Variants in PLXNA1 observed in about 807,000 individuals in gnomAD.
PLXNA1 encodes plexin-A1.
PLXNA1 carries 77 observed loss-of-function variants against 191.7 expected under a neutral mutation model. The ratio of observed to expected loss-of-function variants is 0.40; its 90% CI spans 0.33 to 0.49. The LOEUF (loss-of-function observed/expected upper bound fraction) is 0.49, where lower values mean the gene tolerates loss of function less well. Ranked by LOEUF, PLXNA1 falls within the 20% of genes least tolerant of loss-of-function variation. The pLI is 0.63. For missense variants in PLXNA1, 2,110 were observed against 2,660.2 expected (o/e 0.79, Z 4.55); for synonymous variants, 1,137 against 1,156.4 (o/e 0.98, Z 0.34).
chr3:127,023,766 G>A lies in PLXNA1; in HGVS notation c.4362+948G>A, dbSNP rs73196569. ...CATCCTCGCTGCCGGGAGAGACACT[G>A]GACGGGAAATACAGCAGACAGGCAA... On this transcript the variant is annotated intron_variant, in intron 23 of 31. Coordinates refer to ENST00000393409, the MANE Select transcript of PLXNA1 (RefSeq NM_032242.4). 7.0e-3 allele frequency among the ~76,000 whole-genome samples: 1,072 copies of A among 152,322 alleles called. 9 individuals are homozygous for A. The highest frequency in any genetic ancestry group is 0.012 in the Non-Finnish European group (784 of 68,032).
rs1559964213 is a variant in PLXNA1 at position 127,022,189 on chromosome 3, C to T, written c.4143C>T (p.Phe1381=). Residue 1381 remains phenylalanine (F), a synonymous_variant, in exon 22 of 32, where the codon TTC becomes TTT. Coordinates refer to ENST00000393409, the MANE Select transcript of PLXNA1 (RefSeq NM_032242.4). ...FIRTLEAQRS[F]SMRDRGNVAS... ...GCACGCTGGAGGCACAGCGCAGCTT[C>T]TCCATGCGCGACCGCGGGAATGTGG... 1 of 1,613,454 alleles carries T rather than the reference C, an allele frequency of 6.2e-7. No homozygotes were observed. Among genetic ancestry groups the T allele is most frequent in the Non-Finnish European group, 8.5e-7 (1 of 1,180,000 alleles).
At position 127,032,760 on chromosome 3, in the gene PLXNA1, G is replaced by A. The variant is rs777392995; in HGVS notation, c.5519G>A (p.Arg1840His). ...DMSAYLAEQS[R>H]LHLSQFNSMS... ...AGTGCGTATCTGGCTGAGCAGTCCC[G>A]CCTGCACCTGAGCCAGTTCAACAGC... Residue 1840 changes from arginine (R) to histidine (H), a missense_variant, in exon 31 of 32, where the codon CGC becomes CAC. Physicochemically the swap from Arg to His is conservative, Grantham distance 29. Coordinates refer to ENST00000393409, the MANE Select transcript of PLXNA1 (RefSeq NM_032242.4). 12 of 1,613,316 alleles carry A rather than the reference G, an allele frequency of 7.4e-6. No homozygotes were observed. The highest frequency in any genetic ancestry group is 5.0e-5 in the Admixed American group (3 of 60,012).
chr3:127,031,266 G>C (rs1023091017), intron 29 of PLXNA1, among the ~76,000 whole-genome samples: 7 of 152,160 alleles, frequency 4.6e-5, no homozygotes, highest in Admixed American at 4.6e-4. Flanking sequence ...CCCCTGGAGC[G>C]GGTCCCTGCT....
Position 127,033,925 on chromosome 3 carries a change from C to G in PLXNA1, c.5599C>G (p.Leu1867Val). ...GACAGTTCTCCTGGCCCTGCAGATC[C>G]TGGCAGCCCTGGAGAAGGATGAGCA... ...SYITKYKDEI[L>V]AALEKDEQAR... Residue 1867 changes from leucine (L) to valine (V), a missense_variant, in exon 32 of 32, where the codon CTG becomes GTG. Around this residue, in one of 4 missense-constraint regions of PLXNA1, gnomAD observed 559 missense variants for 911.5 expected, o/e 0.61. Coordinates refer to ENST00000393409, the MANE Select transcript of PLXNA1 (RefSeq NM_032242.4). The G allele has an allele frequency of 6.3e-7, 1 of 1,598,186 alleles. No individual in the cohort carries two copies. The highest frequency in any genetic ancestry group is 8.5e-7 in the Non-Finnish European group (1 of 1,173,894).
chr3:127,014,612 G>T lies in PLXNA1; in HGVS notation c.2739G>T (p.Glu913Asp). ...TGCTGTGCAGCCCTGTGGAGAGCGA[G>T]TACATCAGTGCGGAGCAGTGAGTGC... ...GKVLCSPVES[E>D]YISAEQIVCE... The change falls in exon 13 of 32, where the codon GAG becomes GAT. Residue 913 changes from glutamate (E) to aspartate (D), a missense_variant. By Grantham distance (45) the Glu-to-Asp change is conservative. Around this residue, in one of 4 missense-constraint regions of PLXNA1, gnomAD observed 644 missense variants for 714.3 expected, o/e 0.90. Coordinates refer to ENST00000393409, the MANE Select transcript of PLXNA1 (RefSeq NM_032242.4). 1 of 1,613,218 alleles carries T rather than the reference G, an allele frequency of 6.2e-7. No homozygotes were observed.
chr3:127,017,241 C>T (rs558356518), intron 17 of PLXNA1, among the ~76,000 whole-genome samples, 184 bp from the exon 18 acceptor site: 10 of 152,334 alleles, frequency 6.6e-5, no homozygotes, highest in Non-Finnish European at 1.2e-4. Context: ...GCTGGCTGCA[C>T]ACACCTCTCC....
chr3:127,030,519 C>T (rs1354827835), intron 29 of PLXNA1, 107 bp downstream of exon 29: 9 of 1,362,014 alleles, frequency 6.6e-6, no homozygotes, highest in African/African-American at 2.9e-5. Context: ...GGCTCCCTGG[C>T]GTGGGGACAC....
At chr3:127,030,693 G>A (rs76060061) in intron 29 of PLXNA1, among the ~76,000 whole-genome samples, 3,111 of 152,342 alleles carry the variant, frequency 0.02, 39 homozygotes, top group East Asian at 0.072. Flanking sequence ...ACAGCTGTGC[G>A]GACATGAGTG....
intron 16 of PLXNA1, 114 bp from the exon 17 acceptor site, chr3:127,016,830 C>G (rs963708496): frequency 7.2e-7 from 1 of 1,379,846 alleles, no homozygotes; most frequent in African/African-American, 1.4e-5. Flanking sequence ...GAGCTTTTAC[C>G]TGTTTCCTGT....
intron 3 of PLXNA1, among the ~76,000 whole-genome samples, chr3:126,999,622 G>A (rs908130609): frequency 3.9e-5 from 6 of 152,208 alleles, no homozygotes; most frequent in Non-Finnish European, 7.3e-5. Context: ...GGCTCTGGGC[G>A]GGATGGACAG....
At position 127,028,216 on chromosome 3, in the gene PLXNA1, A is replaced by C. The variant is rs749307246; in HGVS notation, c.4545A>C (p.Ala1515=). The change falls in exon 25 of 32, where the codon GCA becomes GCC. Residue 1515 remains alanine (A), a synonymous_variant. Transcript: ENST00000393409. ...GTGTGAACCCTGAGAATGAGAATGC[A>C]CCTGAGGTGCCGGTGAAGGGGCTGG... The part of the protein sequence containing the change: ...LNCVNPENEN[A]PEVPVKGLDC... The C allele has an allele frequency of 1.9e-6, 3 of 1,613,026 alleles. No homozygotes were observed. Among genetic ancestry groups the C allele is most frequent in the Non-Finnish European group, 2.5e-6 (3 of 1,179,994 alleles).
At position 126,986,533 on chromosome 3, in the gene PLXNA1, C is replaced by T. The variant is rs376547072; in HGVS notation, c.-73-1988C>T. On this transcript the variant is annotated intron_variant, in intron 1 of 31. Coordinates refer to ENST00000393409, the MANE Select transcript of PLXNA1 (RefSeq NM_032242.4). ...AGCATGGGGGGCTGCCGCACCCAGA[C>T]CTGGCTGGCCCTCCGCATACCCTTC... Among the ~76,000 whole-genome samples the T allele has an allele frequency of 4.1e-3, 632 of 152,294 alleles. 3 individuals are homozygous for T. Among genetic ancestry groups the T allele is most frequent in the Middle Eastern group, 6.8e-3 (2 of 294 alleles).
chr3:127,014,092 A>G lies in PLXNA1; in HGVS notation c.2386A>G (p.Ile796Val), dbSNP rs968664144. 13 of 1,613,792 alleles carry G rather than the reference A, an allele frequency of 8.1e-6. No individual in the cohort carries two copies. Among genetic ancestry groups the G allele is most frequent in the Non-Finnish European group, 1.1e-5 (13 of 1,179,954 alleles). ...AGTCGTGTGGAACGGCAACTTTGTC[A>G]TTGACAACCCACAGAACATCCAGGG... is the stretch of plus-strand genomic sequence containing the variant. ...LSVVWNGNFVIDNPQNIQAHL... is the reference protein window; with the variant it reads ...LSVVWNGNFVVDNPQNIQAHL... Residue 796 changes from isoleucine to valine, a missense_variant, in exon 11 of 32, where the codon ATT (isoleucine) becomes GTT (valine). Transcript: ENST00000393409.
intron 1 of PLXNA1, among the ~76,000 whole-genome samples, chr3:126,984,230 C>T (rs948138483): frequency 6.6e-6 from 1 of 152,166 alleles, no homozygotes; most frequent in African/African-American, 2.4e-5. Context: ...GGGGCGGCCC[C>T]GGGCGGCGAT....
At chr3:127,030,214 G>T in intron 28 of PLXNA1, 29 bp from the exon 29 acceptor site, 1 of 1,608,294 alleles carries the variant, frequency 6.2e-7, no homozygotes, top group Non-Finnish European at 8.5e-7. Context: ...AGCGCCCTGG[G>T]GCTCAGTGTC....
chr3:127,008,908 A>G (rs960125490), intron 9 of PLXNA1, among the ~76,000 whole-genome samples: 3 of 152,072 alleles, frequency 2.0e-5, no homozygotes, highest in African/African-American at 7.2e-5. Context: ...GGCAGCAGGG[A>G]CCACAGTGCC....
chr3:126,996,638 G>A (rs2079016059), intron 3 of PLXNA1, among the ~76,000 whole-genome samples: 1 of 152,210 alleles, frequency 6.6e-6, no homozygotes, highest in African/African-American at 2.4e-5. Context: ...CCCAAGGGAG[G>A]TGCAGGGCAG....
intron 29 of PLXNA1, among the ~76,000 whole-genome samples, chr3:127,032,121 C>A (rs927520683): frequency 6.6e-6 from 1 of 152,262 alleles, no homozygotes; most frequent in Non-Finnish European, 1.5e-5. Flanking sequence ...CTGGTCACAT[C>A]TTGCCCTTGT....
chr3:127,002,101 C>T (rs1295011944), intron 3 of PLXNA1, among the ~76,000 whole-genome samples: 1 of 152,226 alleles, frequency 6.6e-6, no homozygotes, highest in Non-Finnish European at 1.5e-5. Context: ...GGGTGCTGGG[C>T]GGCCGTGGCC....
Sources: gnomAD v4.1 joint callset for allele counts (sites outside exome capture counted in the v4.1 genomes callset) on GRCh38, gnomAD v4.1.1 for gene constraint, gnomAD v4.1.1 regional missense constraint, MANE v1.5 for transcripts, NCBI Gene and HGNC (gene_info 2026-07-23, HGNC 2026-07-21) for gene names.